BZW2: variants seen among roughly 807,000 people sequenced by gnomAD.
BZW2 encodes the protein eIF5-mimic protein 1.
BZW2 carries 23 observed loss-of-function variants against 53.2 expected under a neutral mutation model. The ratio of observed to expected loss-of-function variants is 0.43; its 90% confidence interval spans 0.31 to 0.61. The LOEUF is 0.61. BZW2 is among the 20% of genes least tolerant of loss of function. The pLI is 0.09. For synonymous variants in BZW2, 227 were observed against 186.4 expected (o/e 1.22, Z -1.77); for missense variants, 409 against 503.1 (o/e 0.81, Z 1.79).
chr7:16,704,911 A>G (rs1336320372), intron 11 of BZW2, among the ~76,000 whole-genome samples: 1 of 152,258 alleles, frequency 6.6e-6, no homozygotes, highest in Admixed American at 6.5e-5. Flanking sequence ...ATGGAGGACA[A>G]TAAGGAAGAA....
At chr7:16,663,750 G>A (rs933940459) in intron 1 of BZW2, among the ~76,000 whole-genome samples, 1 of 152,130 alleles carries the variant, frequency 6.6e-6, no homozygotes, top group Non-Finnish European at 1.5e-5. Flanking sequence ...CTTGAATAAT[G>A]CATGTTATAT....
In BZW2 at chr7:16,683,339, A is replaced by G. The variant is rs1052733942; in HGVS notation, c.405+494A>G. On this transcript the variant is annotated intron_variant, in intron 5 of 11. Transcript: ENST00000258761. ...TGAAAGATCATTAGCTAATAGCTAT[A>G]GGAAGAAATATGTGATTATTCTGGA... 3.9e-5 allele frequency among the ~76,000 whole-genome samples: 6 copies of G among 152,372 alleles called. No homozygotes were observed. In the South Asian group the frequency reaches 1.2e-3, roughly 32 times the overall value.
chr7:16,661,778 G>A (rs1277459908), intron 1 of BZW2, among the ~76,000 whole-genome samples: 1 of 151,898 alleles, frequency 6.6e-6, no homozygotes, highest in Non-Finnish European at 1.5e-5. Flanking sequence ...TTAAACCATG[G>A]AACTGTTCCA....
chr7:16,673,030 C>G (rs1312269881), intron 2 of BZW2, among the ~76,000 whole-genome samples: 2 of 152,002 alleles, frequency 1.3e-5, no homozygotes, highest in East Asian at 3.9e-4. Context: ...ACTGCAAGCT[C>G]CGCCTCCCGG....
At chr7:16,662,636 G>C (rs1782300441) in intron 1 of BZW2, among the ~76,000 whole-genome samples, 2 of 152,096 alleles carry the variant, frequency 1.3e-5, no homozygotes, top group African/African-American at 4.8e-5. Context: ...ACCATTTTTA[G>C]CCTGGCACAG....
intron 10 of BZW2, among the ~76,000 whole-genome samples, chr7:16,704,144 A>T (rs370887987): frequency 2.0e-5 from 3 of 152,174 alleles, no homozygotes; most frequent in Non-Finnish European, 4.4e-5. Context: ...GACACTGGTC[A>T]TTTGAGGTTA....
chr7:16,702,843 T>C (rs1412660659), intron 10 of BZW2, among the ~76,000 whole-genome samples: 2 of 152,184 alleles, frequency 1.3e-5, no homozygotes, highest in African/African-American at 4.8e-5. Context: ...AGTTTAATAG[T>C]GCATGAATAT....
chr7:16,650,776 G>A (rs1781966280), intron 1 of BZW2, among the ~76,000 whole-genome samples: 1 of 152,176 alleles, frequency 6.6e-6, no homozygotes, highest in African/African-American at 2.4e-5. Flanking sequence ...GCGCTCTTTA[G>A]CAAGTATCTT....
intron 1 of BZW2, among the ~76,000 whole-genome samples, chr7:16,660,278 G>T (rs1053882933): frequency 6.6e-6 from 1 of 151,798 alleles, no homozygotes; most frequent in African/African-American, 2.4e-5. Context: ...AGCCGGGCCT[G>T]GTAGTGTGCC....
intron 2 of BZW2, among the ~76,000 whole-genome samples, chr7:16,665,885 A>G (rs1243058759): frequency 4.6e-5 from 7 of 152,154 alleles, no homozygotes; most frequent in African/African-American, 1.4e-4. Context: ...AGGAAGTGAG[A>G]TATTGAAGAG....
chr7:16,659,720 G>A (rs1047539582), intron 1 of BZW2, among the ~76,000 whole-genome samples: 1 of 152,048 alleles, frequency 6.6e-6, no homozygotes, highest in Non-Finnish European at 1.5e-5. Context: ...TAAATACAAA[G>A]TACTTCATGA....
intron 1 of BZW2, among the ~76,000 whole-genome samples, chr7:16,650,498 A>G (rs911363123): frequency 6.6e-6 from 1 of 152,178 alleles, no homozygotes; most frequent in East Asian, 1.9e-4. Flanking sequence ...ACAGGGTGTG[A>G]CTGGTAGGTT....
chr7:16,674,576 G>A lies in BZW2; in HGVS notation c.223G>A (p.Gly75Ser). The change falls in exon 3 of 12, where the codon GGC (glycine) becomes AGC (serine). Residue 75 changes from glycine (G) to serine (S), a missense_variant. Coordinates refer to ENST00000258761, the MANE Select transcript of BZW2 (RefSeq NM_014038.3). ...ADTLFDILVA[G>S]SMLAPGGTRI... ...CACACTCTTCGATATCCTGGTGGCTGGCAGTATGCTTGGTAAACCATGCAT... is the reference window on the plus strand; with the variant it reads ...CACACTCTTCGATATCCTGGTGGCTAGCAGTATGCTTGGTAAACCATGCAT... 1 of 1,600,256 alleles carries A rather than the reference G, an allele frequency of 6.2e-7. No individual in the cohort carries two copies. Among genetic ancestry groups the A allele is most frequent in the Non-Finnish European group, 8.5e-7 (1 of 1,172,644 alleles).
intron 2 of BZW2, 91 bp from the exon 3 acceptor site, chr7:16,674,321 A>G (rs1435516136): frequency 2.0e-6 from 2 of 1,007,972 alleles, no homozygotes; most frequent in Non-Finnish European, 2.7e-6. Flanking sequence ...TTTTTTTCCT[A>G]TCTTAGATAA....
rs771945976 is a variant in BZW2 at position 16,689,780 on chromosome 7, CTT to C, written c.542-14_542-13del. Reference sequence around the variant, plus strand: ...TTGCTCGTAAAAGGAATGAAATTCTCTTTTGTTTTTCAACAGGCATTGCGGCC... The same window carrying C: ...TTGCTCGTAAAAGGAATGAAATTCTCTTGTTTTTCAACAGGCATTGCGGCC... On this transcript the variant is annotated splice_polypyrimidine_tract_variant and intron_variant, in intron 6 of 11. Transcript: ENST00000258761. 15 of 1,587,944 alleles carry C rather than the reference CTT, an allele frequency of 9.4e-6. No individual in the cohort carries two copies. In the South Asian group the frequency reaches 1.3e-4, roughly 13 times the overall value.
rs143994492 is a variant in BZW2, at chr7:16,656,150, T to TATATATATATATATATATATACACAC, written c.-7-9286_-7-9285insTATATATATATATATATATACACACA. 1.4e-3 allele frequency among the ~76,000 whole-genome samples: 206 copies of TATATATATATATATATATATACACAC among 150,236 alleles called. 1 individual carries two copies. The highest frequency in any genetic ancestry group is 4.9e-3 in the African/African-American group (196 of 40,098). ...ATATATAAATGACTATATATATATA[T>TATATATATATATATATATATACACAC]ACATAAATATTTTTTCCCAGTACAG... is the stretch of plus-strand genomic sequence containing the variant. On this transcript the variant is annotated intron_variant, in intron 1 of 11. Transcript: ENST00000258761.
At chr7:16,674,667 T>A in intron 3 of BZW2, 79 bp downstream of exon 3, 1 of 1,191,576 alleles carries the variant, frequency 8.4e-7, no homozygotes, top group African/African-American at 1.5e-5. Context: ...TAAGATAGAG[T>A]CTTTATAAGT....
chr7:16,697,149 G>C, intron 9 of BZW2, 88 bp downstream of exon 9: 1 of 1,441,568 alleles, frequency 6.9e-7, no homozygotes, highest in Admixed American at 2.2e-5. Context: ...GAGTGCAGTG[G>C]CACGATCTGC....
At chr7:16,647,690 A>G (rs1391832314) in intron 1 of BZW2, among the ~76,000 whole-genome samples, 1 of 152,220 alleles carries the variant, frequency 6.6e-6, no homozygotes, top group Non-Finnish European at 1.5e-5. Flanking sequence ...AGAGTGACCA[A>G]TCTTTTGTAA....
Sources: allele counts gnomAD v4.1 joint callset (sites outside exome capture counted in the v4.1 genomes callset), GRCh38; gene constraint gnomAD v4.1.1; transcripts MANE v1.5; gene names NCBI Gene and HGNC (gene_info 2026-07-23, HGNC 2026-07-21).